Variants in SYCP2 observed in about 807,000 individuals in gnomAD.
The protein encoded by SYCP2 is synaptonemal complex lateral element protein.
In SYCP2, 55 loss-of-function variants were observed where a neutral mutation model predicts 211.3. That is an observed-to-expected ratio of 0.26 (90% CI 0.21 to 0.33). The LOEUF (loss-of-function observed/expected upper bound fraction) is 0.33, where lower values mean the gene tolerates loss of function less well. Ranked by LOEUF, SYCP2 falls within the 10% of genes least tolerant of loss-of-function variation. SYCP2 has a pLI of 1.00. For synonymous variants in SYCP2, 570 were observed against 555.2 expected (o/e 1.03, Z -0.37); for missense variants, 1,731 against 1,752.0 (o/e 0.99, Z 0.21).
intron 2 of SYCP2, among the ~76,000 whole-genome samples, chr20:59,929,203 G>T (rs540937742): frequency 1.5e-4 from 23 of 152,028 alleles, no homozygotes; most frequent in Non-Finnish European, 3.1e-4. Flanking sequence ...ACAATAACCA[G>T]TCCCCTCTCC....
chr20:59,925,301 C>T (rs895670736), intron 2 of SYCP2, among the ~76,000 whole-genome samples: 1 of 151,982 alleles, frequency 6.6e-6, no homozygotes, highest in Non-Finnish European at 1.5e-5. Context: ...AGCAAACCAC[C>T]ATGACACACA....
In SYCP2 at chr20:59,896,363, G is replaced by T. The variant is rs2060007060; in HGVS notation, c.1504+66C>A. The T allele has an allele frequency of 1.3e-5, 11 of 836,310 alleles. No homozygotes were observed. In the Admixed American group the frequency reaches 2.3e-4, roughly 17 times the overall value. 51.8% of individuals were successfully genotyped at this position (836,310 alleles called of 1,614,324 possible). On this transcript the variant is annotated intron_variant, in intron 19 of 44. Transcript: ENST00000357552. ...CTTTATGTAAATTATGTTCAGAATTGCCTTAAATTAAAAAATGCCTCCTTT... is the reference window on the plus strand; with the variant it reads ...CTTTATGTAAATTATGTTCAGAATTTCCTTAAATTAAAAAATGCCTCCTTT...
At chr20:59,884,908 CA>C (rs139775652) in intron 26 of SYCP2, among the ~76,000 whole-genome samples, 2,948 of 151,748 alleles carry the variant, frequency 0.019, 42 homozygotes, top group Middle Eastern at 0.041. Context: ...TAAAAGGTAC[CA>C]AAACACTCTA....
intron 22 of SYCP2, among the ~76,000 whole-genome samples, chr20:59,892,921 T>G (rs1210524034): frequency 6.6e-6 from 1 of 151,986 alleles, no homozygotes; most frequent in African/African-American, 2.4e-5. Context: ...TTATACATTT[T>G]AAAAATCTCA....
chr20:59,880,190 AAAGT>A (rs1289420547), intron 31 of SYCP2, 109 bp downstream of exon 31: 23 of 791,122 alleles, frequency 2.9e-5, no homozygotes, highest in South Asian at 1.4e-4. Context: ...CCTATCCATG[AAAGT>A]ATGTAGTAAT....
Position 59,879,822 on chromosome 20 carries a change from AATATATATATAT to A in SYCP2, c.2941+469_2941+480del, listed in dbSNP as rs1159547809. Among the ~76,000 whole-genome samples, 50 of 51,086 alleles carry A rather than the reference AATATATATATAT, an allele frequency of 9.8e-4. 1 individual carries two copies. The highest frequency in any genetic ancestry group is 6.0e-3 in the East Asian group (8 of 1,342). 33.5% of individuals were successfully genotyped at this position (51,086 alleles called of 152,430 possible). On this transcript the variant is annotated intron_variant, in intron 31 of 44. Coordinates refer to ENST00000357552, the MANE Select transcript of SYCP2 (RefSeq NM_014258.4). ...ATGGGATATTTAGTAAATATAAATA[AATATATATATAT>A]ATATATATATATATATATATATATA...
Position 59,914,110 on chromosome 20 carries a change from G to C in SYCP2, c.776C>G (p.Thr259Arg). The change falls in exon 11 of 45, where the codon ACA becomes AGA. Residue 259 changes from threonine (T) to arginine (R), a missense_variant and splice_region_variant. Around this residue, in one of 3 missense-constraint regions of SYCP2, gnomAD observed 335 missense variants for 378.8 expected, o/e 0.88. Coordinates refer to ENST00000357552, the MANE Select transcript of SYCP2 (RefSeq NM_014258.4). ...TTCTGTTATTGTTATACAACTTACT[G>C]TTTCAAATTCAGAGTCCTTAATTCT... is the stretch of plus-strand genomic sequence containing the variant. ...FKRIKDSEFE[T>R]DCRIFLNLVN... 1 of 1,595,336 alleles carries C rather than the reference G, an allele frequency of 6.3e-7. No individual in the cohort carries two copies. The highest frequency in any genetic ancestry group is 8.5e-7 in the Non-Finnish European group (1 of 1,170,348).
intron 41 of SYCP2, 34 bp downstream of exon 41, chr20:59,866,259 T>C: frequency 7.1e-7 from 1 of 1,417,476 alleles, no homozygotes; most frequent in Non-Finnish European, 9.7e-7. Flanking sequence ...AATAAGGTTT[T>C]AAACTTATTT....
At chr20:59,909,545 C>A (rs1408408399) in intron 14 of SYCP2, among the ~76,000 whole-genome samples, 1 of 152,200 alleles carries the variant, frequency 6.6e-6, no homozygotes, top group South Asian at 2.1e-4. Context: ...GGATCTTTTA[C>A]ACAAATGTGT....
At chr20:59,881,800 CTGGT>C (rs2059688552) in intron 28 of SYCP2, 141 bp downstream of exon 28, 2 of 548,382 alleles carry the variant, frequency 3.6e-6, no homozygotes. Flanking sequence ...TATACGTAGG[CTGGT>C]TATCCAAAAT....
chr20:59,911,911 T>TAAGTTTAATTTGGTTGG, intron 13 of SYCP2, 66 bp from the exon 14 acceptor site: 1 of 731,924 alleles, frequency 1.4e-6, no homozygotes, highest in Admixed American at 2.9e-5. Context: ...AATTATGATG[T>TAAGTTTAATTTGGTTGG]TATATTCATG....
chr20:59,883,339 A>G (rs1568927646), intron 26 of SYCP2, among the ~76,000 whole-genome samples: 1 of 151,946 alleles, frequency 6.6e-6, no homozygotes, highest in African/African-American at 2.4e-5. Context: ...ACAGAGCAAG[A>G]CTCTGTCTCC....
At chr20:59,914,378 A>T (rs565036816) in intron 10 of SYCP2, 127 bp from the exon 11 acceptor site, 1 of 473,430 alleles carries the variant, frequency 2.1e-6, no homozygotes, top group African/African-American at 2.0e-5. Flanking sequence ...TGATTAATCT[A>T]TTAATATTTT....
Position 59,881,365 on chromosome 20 carries a change from C to G in SYCP2, c.2714+72G>C. The G allele has an allele frequency of 3.7e-6, 3 of 810,274 alleles. No homozygotes were observed. In the South Asian group the frequency reaches 5.1e-5, roughly 14 times the overall value. The allele number at this position is 810,274 out of a possible 1,614,324, so 50.2% of individuals were successfully genotyped here. ...TTCACTCTTCTCATTTGTTAAAAAACTCTAAGACTGGGAGGAGATATTTAA... is the reference window on the plus strand; with the variant it reads ...TTCACTCTTCTCATTTGTTAAAAAAGTCTAAGACTGGGAGGAGATATTTAA... On this transcript the variant is annotated intron_variant, in intron 29 of 44. Coordinates refer to ENST00000357552, the MANE Select transcript of SYCP2 (RefSeq NM_014258.4).
intron 2 of SYCP2, among the ~76,000 whole-genome samples, chr20:59,926,345 T>G (rs1237357738): frequency 3.3e-5 from 5 of 152,006 alleles, no homozygotes; most frequent in Non-Finnish European, 5.9e-5. Context: ...AGGATCATAC[T>G]CCCTCTGAAA....
chr20:59,887,214 A>T (rs2059808149), intron 24 of SYCP2, among the ~76,000 whole-genome samples: 1 of 150,662 alleles, frequency 6.6e-6, no homozygotes, highest in South Asian at 2.1e-4. Context: ...AAGTGTTCTC[A>T]TCGTTCAATT....
intron 22 of SYCP2, 32 bp from the exon 23 acceptor site, chr20:59,892,733 A>G: frequency 6.3e-7 from 1 of 1,586,902 alleles, no homozygotes; most frequent in Non-Finnish European, 8.6e-7. Context: ...TTAATGTTAC[A>G]AAACATTAGC....
chr20:59,878,126 A>T, intron 31 of SYCP2, 81 bp from the exon 32 acceptor site: 2 of 950,202 alleles, frequency 2.1e-6, no homozygotes, highest in South Asian at 3.0e-5. Flanking sequence ...ATTTCAGCAT[A>T]TTTAAATTAA....
At chr20:59,928,938 T>G (rs1018813228) in intron 2 of SYCP2, among the ~76,000 whole-genome samples, 1 of 152,054 alleles carries the variant, frequency 6.6e-6, no homozygotes, top group Non-Finnish European at 1.5e-5. Context: ...TAAAAAGTAA[T>G]AGATTTTAAC....
Sources: allele counts gnomAD v4.1 joint callset (sites outside exome capture counted in the v4.1 genomes callset), GRCh38; gene constraint gnomAD v4.1.1; regional missense constraint gnomAD v4.1.1; transcripts MANE v1.5; gene names NCBI Gene and HGNC (gene_info 2026-07-23, HGNC 2026-07-21).